Variants in KCNN2 observed in about 807,000 individuals in gnomAD.
The protein encoded by KCNN2 is small conductance calcium-activated potassium channel protein 2.
Under a neutral mutation model 55.5 loss-of-function variants are expected in KCNN2, and 24 were observed. The ratio of observed to expected loss-of-function variants is 0.43; its 90% CI spans 0.31 to 0.61. The LOEUF (loss-of-function observed/expected upper bound fraction) is 0.61. KCNN2 is among the 20% of genes least tolerant of loss of function. KCNN2 has a pLI of 0.08. For missense variants in KCNN2, 754 were observed against 853.6 expected (o/e 0.88, Z 1.45); for synonymous variants, 431 against 336.1 (o/e 1.28, Z -3.09).
intron 2 of KCNN2, among the ~76,000 whole-genome samples, chr5:114,286,189 T>A (rs904050368): frequency 6.6e-6 from 1 of 152,210 alleles, no homozygotes; most frequent in Middle Eastern, 3.4e-3. Flanking sequence ...AGAAGCCACC[T>A]CCACTGGCTG....
At chr5:114,151,572 A>C (rs1368609720) in intron 1 of KCNN2, among the ~76,000 whole-genome samples, 1 of 152,186 alleles carries the variant, frequency 6.6e-6, no homozygotes, top group Non-Finnish European at 1.5e-5. Context: ...TGGTCAATTC[A>C]ATGACCTGTT....
At position 114,398,484 on chromosome 5, in the gene KCNN2, G is replaced by GTT. The variant is rs35191729; in HGVS notation, c.1219-5942_1219-5941dup. Among the ~76,000 whole-genome samples the GTT allele has an allele frequency of 7.8e-3, 1,082 of 139,114 alleles. 13 individuals carry two copies. Among genetic ancestry groups the GTT allele is most frequent in the African/African-American group, 0.024 (939 of 38,898 alleles). The allele number at this position is 139,114 out of a possible 152,430, so 91.3% of individuals were successfully genotyped here. The stretch of plus-strand genomic sequence containing the variant: ...GTAATGTGATGCTTCCAGTATTGTT[G>GTT]TTTTTTTTTTTTTGTAGTTGTTGTT... On this transcript the variant is annotated intron_variant, in intron 2 of 7. Coordinates refer to ENST00000673685, the MANE Select transcript of KCNN2 (RefSeq NM_021614.4).
At chr5:114,367,842 T>C (rs900238921) in intron 2 of KCNN2, among the ~76,000 whole-genome samples, 1 of 152,160 alleles carries the variant, frequency 6.6e-6, no homozygotes, top group Non-Finnish European at 1.5e-5. Flanking sequence ...AAAGAGTTGT[T>C]TAGTACTTTG....
intron 1 of KCNN2, among the ~76,000 whole-genome samples, chr5:114,073,963 T>C (rs1359686560): frequency 1.3e-5 from 2 of 152,346 alleles, no homozygotes; most frequent in East Asian, 3.9e-4. Context: ...ATTTAATATG[T>C]CTGGGTGCTA....
intron 5 of KCNN2, 158 bp downstream of exon 5, chr5:114,473,322 G>A: frequency 1.6e-6 from 1 of 624,858 alleles, no homozygotes; most frequent in Non-Finnish European, 2.9e-6. Flanking sequence ...TTTGAGAATA[G>A]ACTATTTCTA....
intron 2 of KCNN2, among the ~76,000 whole-genome samples, chr5:114,368,823 T>C (rs1299442039): frequency 1.3e-5 from 2 of 151,782 alleles, no homozygotes; most frequent in African/African-American, 4.8e-5. Flanking sequence ...TTATATTCTG[T>C]ATTATATCTT....
At chr5:114,064,030 G>A (rs1449866706) in intron 1 of KCNN2, among the ~76,000 whole-genome samples, 3 of 152,134 alleles carry the variant, frequency 2.0e-5, no homozygotes, top group East Asian at 1.9e-4. Flanking sequence ...AGACTTGTCC[G>A]CAGATTGGAA....
At chr5:114,132,095 A>G (rs1752083421) in intron 1 of KCNN2, among the ~76,000 whole-genome samples, 1 of 152,116 alleles carries the variant, frequency 6.6e-6, no homozygotes, top group African/African-American at 2.4e-5. Context: ...GTTCACTCTG[A>G]TAATAGTTTC....
intron 6 of KCNN2, among the ~76,000 whole-genome samples, chr5:114,492,687 A>C (rs542016011): frequency 2.4e-4 from 36 of 152,252 alleles, no homozygotes; most frequent in African/African-American, 8.4e-4. Context: ...ACATAATCTT[A>C]CAAGTAGAGA....
intron 2 of KCNN2, among the ~76,000 whole-genome samples, chr5:114,247,174 A>G (rs1288168125): frequency 7.1e-6 from 1 of 141,216 alleles, no homozygotes; most frequent in Non-Finnish European, 1.5e-5. Flanking sequence ...TAATACAAAA[A>G]TTAGCCAGGC....
chr5:114,457,184 G>A (rs1208985343), intron 3 of KCNN2, among the ~76,000 whole-genome samples: 10 of 152,088 alleles, frequency 6.6e-5, no homozygotes, highest in South Asian at 4.1e-4. Flanking sequence ...AATTGCCACA[G>A]CCATCTCAAC....
intron 1 of KCNN2, among the ~76,000 whole-genome samples, chr5:114,064,570 G>A (rs1369473724): frequency 3.9e-5 from 6 of 152,174 alleles, no homozygotes; most frequent in African/African-American, 1.2e-4. Context: ...CTAACCCGGC[G>A]AGTGACCCCA....
intron 2 of KCNN2, among the ~76,000 whole-genome samples, chr5:114,222,950 C>A (rs1327532490): frequency 6.6e-6 from 1 of 152,176 alleles, no homozygotes; most frequent in Admixed American, 6.5e-5. Flanking sequence ...AATCTTAGGG[C>A]AGCAGATGAA....
intron 3 of KCNN2, among the ~76,000 whole-genome samples, chr5:114,435,489 G>C (rs1404506643): frequency 6.6e-6 from 1 of 151,864 alleles, no homozygotes; most frequent in Admixed American, 6.6e-5. Flanking sequence ...AATGTTTCTA[G>C]ACTTCATAGT....
At chr5:114,351,452 C>G (rs1757202219) in intron 2 of KCNN2, among the ~76,000 whole-genome samples, 1 of 151,722 alleles carries the variant, frequency 6.6e-6, no homozygotes, top group Non-Finnish European at 1.5e-5. Context: ...TATTACCTAA[C>G]TGTACTGGCT....
intron 3 of KCNN2, among the ~76,000 whole-genome samples, chr5:114,424,631 C>A (rs1759565803): frequency 6.6e-6 from 1 of 152,164 alleles, no homozygotes; most frequent in Non-Finnish European, 1.5e-5. Flanking sequence ...AGAGGCCAGG[C>A]ACTGGAAACA....
In KCNN2 at chr5:114,404,445, T is replaced by C. The variant is rs1426455902; in HGVS notation, c.1226T>C (p.Met409Thr). 6.2e-7 allele frequency: 1 copy of C among 1,611,406 alleles called. No homozygotes were observed. Among genetic ancestry groups the C allele is most frequent in the Admixed American group, 1.7e-5 (1 of 59,976 alleles). Residue 409 changes from methionine (M) to threonine (T), a missense_variant, in exon 3 of 8, where the codon ATG becomes ACG. Physicochemically the swap from Met to Thr is moderately conservative, Grantham distance 81. This residue lies in a region of KCNN2 where 123 missense variants were observed against 204.9 expected (regional missense o/e 0.60). Transcript: ENST00000673685. ...VYHAREIQLFMVDNGADDWRI... is the reference protein window; with the variant it reads ...VYHAREIQLFTVDNGADDWRI... ...TCTACTTTATTTTTTCAGTTGTTCA[T>C]GGTGGACAATGGAGCAGATGACTGG... is the stretch of plus-strand genomic sequence containing the variant.
chr5:114,412,253 TC>T (rs1162179367), intron 3 of KCNN2, among the ~76,000 whole-genome samples: 2 of 152,226 alleles, frequency 1.3e-5, no homozygotes, highest in Non-Finnish European at 2.9e-5. Context: ...ATACCCTTGT[TC>T]CTGAGCACCA....
At chr5:114,241,728 ATATACATATATACG>A (rs1754630588) in intron 2 of KCNN2, among the ~76,000 whole-genome samples, 4 of 76,858 alleles carry the variant, frequency 5.2e-5, no homozygotes, top group African/African-American at 1.8e-4. Context: ...ATACGTATAT[ATATACATATATACG>A]TATATATATG....
Sources: gnomAD v4.1 joint callset for allele counts (sites outside exome capture counted in the v4.1 genomes callset) on GRCh38, gnomAD v4.1.1 for gene constraint, gnomAD v4.1.1 regional missense constraint, MANE v1.5 for transcripts, NCBI Gene and HGNC (gene_info 2026-07-23, HGNC 2026-07-21) for gene names.